The following CDK7 variants were observed in gnomAD, a reference collection of about 807,000 sequenced individuals.
The protein encoded by CDK7 is cyclin-dependent kinase 7.
In CDK7, 25 loss-of-function variants were observed where a neutral mutation model predicts 49.1. The observed-to-expected ratio is 0.51, with a 90% CI of 0.37 to 0.71. CDK7 has a LOEUF of 0.71. Ranked by LOEUF, CDK7 falls within the 30% of genes least tolerant of loss-of-function variation. The probability of loss-of-function intolerance (pLI) is 0.00; values close to 1 mark genes in which losing one functional copy is unlikely to be tolerated. For missense variants in CDK7, 316 were observed against 411.7 expected (o/e 0.77, Z 2.01); for synonymous variants, 107 against 140.0 (o/e 0.76, Z 1.67).
intron 8 of CDK7, among the ~76,000 whole-genome samples, chr5:69,265,802 C>A (rs2150222414): frequency 6.6e-6 from 1 of 152,012 alleles, no homozygotes; most frequent in East Asian, 1.9e-4. Flanking sequence ...CCCAGCTACT[C>A]AGGAGGCTGA....
chr5:69,252,303 T>G (rs988355889), intron 2 of CDK7, 115 bp from the exon 3 acceptor site: 10 of 705,076 alleles, frequency 1.4e-5, no homozygotes, highest in African/African-American at 3.7e-5. Context: ...ACATATTGGT[T>G]GCTAATTGTT....
At chr5:69,255,819 T>A in intron 5 of CDK7, 1 of 365,520 alleles carries the variant, frequency 2.7e-6, no homozygotes, top group Non-Finnish European at 5.1e-6. Context: ...CCTATAAGAT[T>A]TGTTTGCTTT....
intron 6 of CDK7, among the ~76,000 whole-genome samples, chr5:69,258,859 C>T (rs903080736): frequency 1.3e-5 from 2 of 152,018 alleles, no homozygotes; most frequent in African/African-American, 4.8e-5. Context: ...GTAGATATCT[C>T]GAGCCCAGGA....
rs1195685950 is a variant in CDK7 at position 69,277,345 on chromosome 5, A to C, written c.*210A>C. On this transcript the variant is annotated 3_prime_UTR_variant, in exon 12 of 12. Transcript: ENST00000256443. ...TTCTGATTAGAGTGCAAAAGTGAGA[A>C]AAGTTCAATACTCTTGAAATGTAGA... The C allele has an allele frequency of 2.4e-6, 1 of 420,120 alleles. No homozygotes were observed. Among genetic ancestry groups the C allele is most frequent in the Non-Finnish European group, 4.3e-6 (1 of 233,202 alleles). 26.0% of individuals were successfully genotyped at this position (420,120 alleles called of 1,614,324 possible).
chr5:69,262,712 C>T (rs949229911), intron 8 of CDK7, among the ~76,000 whole-genome samples: 1 of 151,722 alleles, frequency 6.6e-6, no homozygotes, highest in Non-Finnish European at 1.5e-5. Context: ...AATTCTTGTC[C>T]TGCCAATGTC....
rs201937992 is a variant in CDK7, at chr5:69,254,599, T to C, written c.161-3T>C. On this transcript the variant is annotated splice_region_variant and splice_polypyrimidine_tract_variant and intron_variant, in intron 3 of 11. Coordinates refer to ENST00000256443, the MANE Select transcript of CDK7 (RefSeq NM_001799.4). ...TCACTTTTTGCTTTGCCTTTTTATA[T>C]AGGTATAAATAGAACCGCCTTAAGA... The C allele has an allele frequency of 8.0e-4, 1,080 of 1,341,678 alleles. 7 individuals are homozygous for C. The highest frequency in any genetic ancestry group is 5.1e-3 in the Middle Eastern group (28 of 5,480). 83.1% of individuals were successfully genotyped at this position (1,341,678 alleles called of 1,614,324 possible).
At chr5:69,238,451 A>C (rs959542919) in intron 2 of CDK7, among the ~76,000 whole-genome samples, 4 of 151,268 alleles carry the variant, frequency 2.6e-5, no homozygotes, top group African/African-American at 9.7e-5. Flanking sequence ...TGCCCCACTA[A>C]ATTTGTTGTT....
At chr5:69,242,058 A>G (rs749407740) in intron 2 of CDK7, among the ~76,000 whole-genome samples, 26 of 152,130 alleles carry the variant, frequency 1.7e-4, no homozygotes, top group Non-Finnish European at 1.0e-4. Flanking sequence ...TAAGTCTTTA[A>G]TCCATTTTGA....
Position 69,238,282 on chromosome 5 carries a change from T to G in CDK7, c.126+2829T>G, listed in dbSNP as rs558858890. Among the ~76,000 whole-genome samples the G allele has an allele frequency of 1.4e-4, 18 of 127,788 alleles. 1 individual carries two copies. In the South Asian group the frequency reaches 4.2e-3, roughly 30 times the overall value. The allele number at this position is 127,788 out of a possible 152,430, so 83.8% of individuals were successfully genotyped here. ...ATATATAGTATTGCATACTTTTTTT[T>G]TCCTTTTTTTTTTTTTTTGAGACAG... On this transcript the variant is annotated intron_variant, in intron 2 of 11. Transcript: ENST00000256443.
intron 6 of CDK7, among the ~76,000 whole-genome samples, 159 bp from the exon 7 acceptor site, chr5:69,259,659 G>T (rs1372280904): frequency 6.6e-6 from 1 of 152,026 alleles, no homozygotes; most frequent in Non-Finnish European, 1.5e-5. Context: ...ATCCAATTTT[G>T]CTTTGATGGG....
intron 6 of CDK7, 90 bp from the exon 7 acceptor site, chr5:69,259,728 G>C: frequency 1.3e-6 from 1 of 772,746 alleles, no homozygotes; most frequent in South Asian, 1.8e-5. Context: ...CCTTGTTTTT[G>C]CTAAGTTTAA....
At chr5:69,252,494 CTTTTTTTT>C (rs138764556) in intron 3 of CDK7, 43 bp downstream of exon 3, 357 of 363,816 alleles carry the variant, frequency 9.8e-4, no homozygotes, top group Middle Eastern at 2.7e-3. Context: ...AAGTTTTCTC[CTTTTTTTT>C]TTTTTTTTTT....
chr5:69,247,851 A>G (rs1406202455), intron 2 of CDK7, among the ~76,000 whole-genome samples: 1 of 152,226 alleles, frequency 6.6e-6, no homozygotes, highest in East Asian at 1.9e-4. Context: ...AACAAGCAAA[A>G]AGAAAACTAA....
intron 8 of CDK7, among the ~76,000 whole-genome samples, chr5:69,263,302 A>T (rs929019667): frequency 2.0e-5 from 3 of 152,196 alleles, no homozygotes; most frequent in Non-Finnish European, 4.4e-5. Context: ...TCCTTAAGCC[A>T]TATGTATTTA....
chr5:69,273,011 T>G lies in CDK7; in HGVS notation c.834T>G (p.Phe278Leu). The change falls in exon 10 of 12, where the codon TTT becomes TTG. Residue 278 changes from phenylalanine (F) to leucine (L), a missense_variant. Transcript: ENST00000256443. ...LLDLIQGLFL[F>L]NPCARITATQ... is the part of the protein sequence containing the mutation. ...ATCTCATACAAGGCTTATTCTTATTTAATCCATGTGCTCGAATTACGGCCA... is the reference window on the plus strand; with the variant it reads ...ATCTCATACAAGGCTTATTCTTATTGAATCCATGTGCTCGAATTACGGCCA... 1 of 1,575,504 alleles carries G rather than the reference T, an allele frequency of 6.3e-7. No individual in the cohort carries two copies. Among genetic ancestry groups the G allele is most frequent in the Non-Finnish European group, 8.6e-7 (1 of 1,157,042 alleles).
chr5:69,267,075 T>G lies in CDK7; in HGVS notation c.628-2132T>G, dbSNP rs193046399. 1.1e-3 allele frequency among the ~76,000 whole-genome samples: 170 copies of G among 152,252 alleles called. 2 individuals carry two copies. The highest frequency in any genetic ancestry group is 1.4e-3 in the Non-Finnish European group (98 of 68,036). ...CAGCTTAAGTCCCAAAGCAGCTCTTTCTTTAGGGAAAAATAGTTTTCTTAG... is the reference window on the plus strand; with the variant it reads ...CAGCTTAAGTCCCAAAGCAGCTCTTGCTTTAGGGAAAAATAGTTTTCTTAG... On this transcript the variant is annotated intron_variant, in intron 8 of 11. Transcript: ENST00000256443.
Position 69,254,337 on chromosome 5 carries a change from C to T in CDK7, c.161-265C>T, listed in dbSNP as rs1750340733. ...AGGAGTTGGAGACCAGCCTGATGAA[C>T]ATGGTGAAACCCCGCCTTTACTAAA... On this transcript the variant is annotated intron_variant, in intron 3 of 11. Coordinates refer to ENST00000256443, the MANE Select transcript of CDK7 (RefSeq NM_001799.4). Among the ~76,000 whole-genome samples the T allele has an allele frequency of 2.0e-5, 3 of 151,840 alleles. No homozygotes were observed. In the South Asian group the frequency reaches 6.2e-4, roughly 32 times the overall value.
At chr5:69,257,819 G>A (rs2054977) in intron 5 of CDK7, among the ~76,000 whole-genome samples, 19,960 of 152,198 alleles carry the variant, frequency 0.13, 1,726 homozygotes, top group African/African-American at 0.24. Flanking sequence ...ACTTTCATGC[G>A]AAAGCAGTAG....
intron 2 of CDK7, among the ~76,000 whole-genome samples, chr5:69,247,831 TAAAC>T (rs569131063): frequency 1.4e-4 from 22 of 152,320 alleles, no homozygotes; most frequent in South Asian, 1.0e-3. Context: ...ACTGATTACA[TAAAC>T]AAACCAACAA....
Sources: allele counts gnomAD v4.1 joint callset (sites outside exome capture counted in the v4.1 genomes callset), GRCh38; gene constraint gnomAD v4.1.1; transcripts MANE v1.5; gene names NCBI Gene and HGNC (gene_info 2026-07-23, HGNC 2026-07-21).